CCDC152: variants seen among roughly 807,000 people sequenced by gnomAD.
CCDC152 encodes coiled-coil domain-containing protein 152.
Under a neutral mutation model 38.1 loss-of-function variants are expected in CCDC152, and 37 were observed. The observed-to-expected ratio is 0.97, with a 90% CI of 0.75 to 1.28. The LOEUF (loss-of-function observed/expected upper bound fraction) is 1.28. Among genes scored for constraint, CCDC152 ranks in the 50% most tolerant of loss-of-function variants. The probability of loss-of-function intolerance (pLI) is 0.00; values close to 1 mark genes in which losing one functional copy is unlikely to be tolerated. For missense variants in CCDC152, 259 were observed against 292.1 expected (o/e 0.89, Z 0.83); for synonymous variants, 83 against 87.1 (o/e 0.95, Z 0.26).
intron 4 of CCDC152, among the ~76,000 whole-genome samples, chr5:42,770,658 G>C (rs1759685095): frequency 6.6e-6 from 1 of 151,954 alleles, no homozygotes; most frequent in South Asian, 2.1e-4. Flanking sequence ...AGATTGTTTT[G>C]TCTACTTCTG....
chr5:42,786,391 C>G (rs888630044), intron 6 of CCDC152, among the ~76,000 whole-genome samples: 7 of 152,020 alleles, frequency 4.6e-5, no homozygotes, highest in Middle Eastern at 3.2e-3. Flanking sequence ...TCCATTTGCT[C>G]TAGATTTTCT....
At chr5:42,758,355 C>T (rs75455481) in intron 1 of CCDC152, among the ~76,000 whole-genome samples, 15 of 152,126 alleles carry the variant, frequency 9.9e-5, no homozygotes, top group African/African-American at 3.4e-4. Flanking sequence ...GACTAGTTAC[C>T]GCTTTCACAC....
At chr5:42,798,971 A>T (rs1390272036) in intron 7 of CCDC152, among the ~76,000 whole-genome samples, 1 of 152,142 alleles carries the variant, frequency 6.6e-6, no homozygotes, top group East Asian at 1.9e-4. Context: ...CATTTTCTTT[A>T]TAATACACTC....
chr5:42,775,935 T>G (rs2973008), intron 4 of CCDC152, among the ~76,000 whole-genome samples: 1 of 148,524 alleles, frequency 6.7e-6, no homozygotes, highest in Non-Finnish European at 1.5e-5. Context: ...AAAACTAAAA[T>G]TAGAAGTATA....
At chr5:42,792,544 AT>A (rs1160709214) in intron 6 of CCDC152, among the ~76,000 whole-genome samples, 1 of 152,182 alleles carries the variant, frequency 6.6e-6, no homozygotes, top group Non-Finnish European at 1.5e-5. Flanking sequence ...ATTTTTCCAG[AT>A]TACTTCTGGT....
At position 42,799,457 on chromosome 5, in the gene CCDC152, G is replaced by A; in HGVS notation, c.641G>A (p.Arg214Lys). ...GTTTTGCCACAAAGTATCTACAGAA[G>A]GGTATGTGAGTTTTCCTCTCAGTAT... ...STVLPQSIYR[R>K]KLQHFQEEKN... The change falls in exon 8 of 9, where the codon AGG (arginine) becomes AAG (lysine). Residue 214 changes from arginine to lysine, a missense_variant and splice_region_variant. By Grantham distance (26) the Arg-to-Lys change is conservative. Transcript: ENST00000361970. The A allele has an allele frequency of 6.6e-7, 1 of 1,516,192 alleles. No individual in the cohort carries two copies. The highest frequency in any genetic ancestry group is 1.3e-5 in the South Asian group (1 of 79,660). The allele number at this position is 1,516,192 out of a possible 1,614,324, so 93.9% of individuals were successfully genotyped here.
chr5:42,787,741 G>A (rs1413422382), intron 6 of CCDC152, among the ~76,000 whole-genome samples: 3 of 152,058 alleles, frequency 2.0e-5, no homozygotes, highest in African/African-American at 7.2e-5. Flanking sequence ...TTGGTTTAAA[G>A]TCTGTTTTAA....
chr5:42,759,806 GTATAT>G (rs1206388151), intron 2 of CCDC152, among the ~76,000 whole-genome samples: 2 of 152,016 alleles, frequency 1.3e-5, no homozygotes, highest in South Asian at 2.1e-4. Flanking sequence ...TTTTACTACA[GTATAT>G]TATAATTGTT....
intron 4 of CCDC152, among the ~76,000 whole-genome samples, chr5:42,777,467 TA>T (rs35424997): frequency 1.9e-4 from 26 of 134,780 alleles, no homozygotes; most frequent in Admixed American, 4.5e-4. Flanking sequence ...CATCTCAATA[TA>T]AAAAAAAAAA....
intron 6 of CCDC152, among the ~76,000 whole-genome samples, chr5:42,784,124 G>T (rs192436191): frequency 1.2e-4 from 18 of 152,164 alleles, no homozygotes; most frequent in Admixed American, 2.0e-4. Context: ...AGGATTACTG[G>T]GTTGAATAGT....
At chr5:42,776,126 C>T (rs1409692236) in intron 4 of CCDC152, among the ~76,000 whole-genome samples, 1 of 151,770 alleles carries the variant, frequency 6.6e-6, no homozygotes, top group East Asian at 1.9e-4. Flanking sequence ...AATCAATAGC[C>T]TAATACAGTT....
Position 42,783,594 on chromosome 5 carries a change from T to C in CCDC152, c.430+18T>C. The C allele has an allele frequency of 7.9e-7, 1 of 1,262,332 alleles. No individual in the cohort carries two copies. The highest frequency in any genetic ancestry group is 2.2e-5 in the South Asian group (1 of 46,184). 78.2% of individuals were successfully genotyped at this position (1,262,332 alleles called of 1,614,324 possible). A position where few individuals can be genotyped will look rare whatever the true frequency, so the allele number is the denominator to read the frequency against. On this transcript the variant is annotated intron_variant, in intron 6 of 8. Transcript: ENST00000361970. ...GAGAAAAGGTAAGTTTAAAATAAACTTGCTTTTTTGTTATTGATTCAACAG... is the reference window on the plus strand; with the variant it reads ...GAGAAAAGGTAAGTTTAAAATAAACCTGCTTTTTTGTTATTGATTCAACAG...
Position 42,799,657 on chromosome 5 carries a change from A to G in CCDC152, c.643-2A>G. ...TAATAACAAATTTTTTGTTTCGTTTAGAAACTTCAGCATTTTCAAGAAGAA... is the reference window on the plus strand; with the variant it reads ...TAATAACAAATTTTTTGTTTCGTTTGGAAACTTCAGCATTTTCAAGAAGAA... On this transcript the variant is annotated splice_acceptor_variant, in intron 8 of 8. Transcript: ENST00000361970. LOFTEE classifies it high-confidence loss of function. 1 of 1,538,968 alleles carries G rather than the reference A, an allele frequency of 6.5e-7. No individual in the cohort carries two copies. Among genetic ancestry groups the G allele is most frequent in the Non-Finnish European group, 8.8e-7 (1 of 1,141,118 alleles).
Position 42,796,827 on chromosome 5 carries a change from A to T in CCDC152, c.431-2A>T, listed in dbSNP as rs1303060587. On this transcript the variant is annotated splice_acceptor_variant, in intron 6 of 8. Coordinates refer to ENST00000361970, the MANE Select transcript of CCDC152 (RefSeq NM_001134848.2). LOFTEE classifies it high-confidence loss of function. ...GAATTTTATTTATTTCATTTTATTC[A>T]GTTGAATTAAATGAAGAAAAGCACA... The T allele has an allele frequency of 5.0e-6, 7 of 1,409,830 alleles. No homozygotes were observed. In the South Asian group the frequency reaches 1.0e-4, roughly 20 times the overall value. The allele number at this position is 1,409,830 out of a possible 1,614,324, so 87.3% of individuals were successfully genotyped here.
intron 4 of CCDC152, among the ~76,000 whole-genome samples, chr5:42,770,159 A>G (rs1183938650): frequency 6.6e-6 from 1 of 152,200 alleles, no homozygotes; most frequent in Non-Finnish European, 1.5e-5. Context: ...CACAAAACAG[A>G]CCAAGTATTT....
At position 42,769,059 on chromosome 5, in the gene CCDC152, C is replaced by A. The variant is rs558612503; in HGVS notation, c.194-538C>A. Among the ~76,000 whole-genome samples, 228 of 152,092 alleles carry A rather than the reference C, an allele frequency of 1.5e-3. 1 individual carries two copies. The highest frequency in any genetic ancestry group is 1.3e-4 in the Non-Finnish European group (9 of 67,978). ...AGGTCAGGAGTTCGAGACCGCATGG[C>A]CAACATGGTGAAACGCCGTCTCTAC... is the stretch of plus-strand genomic sequence containing the variant. On this transcript the variant is annotated intron_variant, in intron 3 of 8. Coordinates refer to ENST00000361970, the MANE Select transcript of CCDC152 (RefSeq NM_001134848.2).
intron 4 of CCDC152, among the ~76,000 whole-genome samples, chr5:42,771,360 G>A (rs1243883740): frequency 6.6e-6 from 1 of 151,432 alleles, no homozygotes; most frequent in Non-Finnish European, 1.5e-5. Context: ...TACACCTCAA[G>A]GAACTAGAAA....
chr5:42,769,755 T>G (rs1050337128), intron 4 of CCDC152, 90 bp downstream of exon 4: 70 of 1,343,560 alleles, frequency 5.2e-5, no homozygotes, highest in Middle Eastern at 3.9e-4. Flanking sequence ...TGATAATAAA[T>G]TTCAATTTGT....
chr5:42,793,111 A>G (rs969855350), intron 6 of CCDC152, among the ~76,000 whole-genome samples: 3 of 152,246 alleles, frequency 2.0e-5, no homozygotes, highest in African/African-American at 7.2e-5. Context: ...ACTCAGCAAT[A>G]AAAAGCAACA....
Sources: allele counts gnomAD v4.1 joint callset (sites outside exome capture counted in the v4.1 genomes callset), GRCh38; gene constraint gnomAD v4.1.1; transcripts MANE v1.5; gene names NCBI Gene and HGNC (gene_info 2026-07-23, HGNC 2026-07-21).